Variants in PARD3B observed in about 807,000 individuals in gnomAD.
PARD3B encodes partitioning defective 3 homolog B.
PARD3B carries 103 observed loss-of-function variants against 130.2 expected under a neutral mutation model. That is an observed-to-expected ratio of 0.79 (90% CI 0.67 to 0.93). The LOEUF (loss-of-function observed/expected upper bound fraction) is 0.93. Ranked by LOEUF, PARD3B falls within the 40% of genes least tolerant of loss-of-function variation. PARD3B has a pLI of 0.00. For missense variants in PARD3B, 1,609 were observed against 1,499.2 expected (o/e 1.07, Z -1.21); for synonymous variants, 583 against 553.2 (o/e 1.05, Z -0.76).
intron 4 of PARD3B, among the ~76,000 whole-genome samples, chr2:205,102,523 A>G (rs1355091169): frequency 1.3e-5 from 2 of 152,128 alleles, no homozygotes; most frequent in Non-Finnish European, 2.9e-5. Context: ...AGAGCTTTCA[A>G]AAACAATCGT....
In PARD3B at chr2:205,614,417, G is replaced by A. The variant is rs148806917; in HGVS notation, c.3261-1039G>A. Among the ~76,000 whole-genome samples, 275 of 152,174 alleles carry A rather than the reference G, an allele frequency of 1.8e-3. 3 individuals carry two copies. Among genetic ancestry groups the A allele is most frequent in the African/African-American group, 6.0e-3 (250 of 41,516 alleles). On this transcript the variant is annotated intron_variant, in intron 22 of 22. Transcript: ENST00000406610. ...TGATTACTTTATATCAAAGCTTTAG[G>A]TGTGGGCTGGGTGCAGTGGCTCACG...
At position 204,550,412 on chromosome 2, in the gene PARD3B, CTGTGTGTG is replaced by C. The variant is rs3051346; in HGVS notation, c.120+4323_120+4330del. Among the ~76,000 whole-genome samples the C allele has an allele frequency of 7.6e-3, 1,102 of 144,386 alleles. 6 individuals are homozygous for C. The highest frequency in any genetic ancestry group is 0.026 in the African/African-American group (1,039 of 39,372). 94.7% of individuals were successfully genotyped at this position (144,386 alleles called of 152,430 possible). A position where few individuals can be genotyped will look rare whatever the true frequency, so the allele number is the denominator to read the frequency against. On this transcript the variant is annotated intron_variant, in intron 1 of 22. Transcript: ENST00000406610. ...GGAATGCATGGATGCGGAGGGCTGACTGTGTGTGTGTGTGTGTGTGTGTGTGTGTGTGT... is the reference window on the plus strand; with the variant it reads ...GGAATGCATGGATGCGGAGGGCTGACTGTGTGTGTGTGTGTGTGTGTGTGT...
intron 19 of PARD3B, among the ~76,000 whole-genome samples, chr2:205,423,647 G>A (rs1347012017): frequency 1.3e-5 from 2 of 152,002 alleles, no homozygotes; most frequent in African/African-American, 4.8e-5. Context: ...TTCACAATAG[G>A]GTTCACGACA....
intron 2 of PARD3B, among the ~76,000 whole-genome samples, chr2:204,883,440 T>TGTATA (rs2046141033): frequency 9.8e-6 from 1 of 102,318 alleles, no homozygotes; most frequent in Non-Finnish European, 1.8e-5. Context: ...ATAAAATATA[T>TGTATA]ATATATATAT....
chr2:205,158,879 C>A lies in PARD3B; in HGVS notation c.1592C>A (p.Ser531Tyr). The change falls in exon 11 of 23, where the codon TCC becomes TAC. Residue 531 changes from serine to tyrosine, a missense_variant. Ser to Tyr is a moderately radical substitution (Grantham distance 144, BLOSUM62 -2). Transcript: ENST00000406610. This position sits in a 1 kb window ranked among gnomAD's most constrained non-coding sequence, Gnocchi z 5.4. ...ACAGACTTGGGGATTTTTATCAAAT[C>A]CATCATTCATGGAGGCGCTGCTTTT... ...TGTDLGIFIK[S>Y]IIHGGAAFKD... The A allele has an allele frequency of 1.9e-6, 3 of 1,613,934 alleles. No individual in the cohort carries two copies. The highest frequency in any genetic ancestry group is 2.5e-6 in the Non-Finnish European group (3 of 1,179,988).
chr2:205,033,821 T>C lies in PARD3B; in HGVS notation c.395-13760T>C, dbSNP rs373469232. 5.3e-5 allele frequency among the ~76,000 whole-genome samples: 8 copies of C among 152,294 alleles called. No individual in the cohort carries two copies. In the South Asian group the frequency reaches 1.4e-3, roughly 28 times the overall value. On this transcript the variant is annotated intron_variant, in intron 3 of 22. Transcript: ENST00000406610. Reference sequence around the variant, plus strand: ...CTCATAAATATCTAGGATCTAAGACTGTAAAGTATCACAAACTGAAAGATC... The same window carrying C: ...CTCATAAATATCTAGGATCTAAGACCGTAAAGTATCACAAACTGAAAGATC...
intron 15 of PARD3B, among the ~76,000 whole-genome samples, chr2:205,206,293 G>A (rs868349288): frequency 2.7e-5 from 4 of 146,210 alleles, no homozygotes; most frequent in African/African-American, 1.0e-4. Context: ...GTATACATGT[G>A]CCCTGCTGGT....
chr2:205,493,691 G>C (rs2049809850), intron 20 of PARD3B, among the ~76,000 whole-genome samples: 2 of 151,652 alleles, frequency 1.3e-5, no homozygotes, highest in African/African-American at 2.4e-5. Flanking sequence ...TAAAGTTACA[G>C]GCTATAAAAG....
rs545219965 is a variant in PARD3B, at chr2:205,122,131, G to A, written c.1165+182G>A. On this transcript the variant is annotated intron_variant, in intron 8 of 22. Transcript: ENST00000406610. The surrounding 1 kb of genome is among the most constrained non-coding windows in gnomAD (Gnocchi z 4.3). ...ATTGTACTTTTTTATTCTTTTCTTC[G>A]GAGTGTATAGATTATTTTAAACAAG... is the stretch of plus-strand genomic sequence containing the variant. Among the ~76,000 whole-genome samples the A allele has an allele frequency of 1.8e-4, 27 of 151,784 alleles. No individual in the cohort carries two copies. The highest frequency in any genetic ancestry group is 9.9e-4 in the Admixed American group (15 of 15,226).
intron 2 of PARD3B, among the ~76,000 whole-genome samples, chr2:204,788,314 A>G (rs1228821699): frequency 6.6e-6 from 1 of 152,160 alleles, no homozygotes; most frequent in East Asian, 1.9e-4. Context: ...TTCTTCCTCA[A>G]CAGCCCTACA....
chr2:205,020,798 T>C (rs1696536299), intron 3 of PARD3B, among the ~76,000 whole-genome samples: 1 of 152,132 alleles, frequency 6.6e-6, no homozygotes, highest in Non-Finnish European at 1.5e-5. Context: ...AAGGCTAGCC[T>C]TTTGGACCAC....
chr2:205,275,714 G>A (rs1451421177), intron 16 of PARD3B, among the ~76,000 whole-genome samples: 1 of 151,714 alleles, frequency 6.6e-6, no homozygotes, highest in East Asian at 1.9e-4. Flanking sequence ...GCAGGCACCT[G>A]TAATCCCAGC....
intron 2 of PARD3B, among the ~76,000 whole-genome samples, chr2:204,802,757 C>T (rs546380732): frequency 9.2e-5 from 14 of 152,064 alleles, no homozygotes; most frequent in East Asian, 5.8e-4. Context: ...AACCAAACAC[C>T]GCATATTCTC....
intron 1 of PARD3B, among the ~76,000 whole-genome samples, chr2:204,574,639 C>T (rs2032164049): frequency 6.6e-6 from 1 of 152,232 alleles, no homozygotes; most frequent in Non-Finnish European, 1.5e-5. Flanking sequence ...CTTACAGTCA[C>T]TGTGCTTCTG....
intron 10 of PARD3B, among the ~76,000 whole-genome samples, chr2:205,148,555 G>T (rs374992422): frequency 6.6e-6 from 1 of 152,038 alleles, no homozygotes; most frequent in East Asian, 1.9e-4. Flanking sequence ...TGTCTTGCAG[G>T]TGTCTTATCC....
chr2:205,449,166 CA>C (rs757916003), intron 20 of PARD3B, among the ~76,000 whole-genome samples: 518 of 50,222 alleles, frequency 0.01, 8 homozygotes, highest in East Asian at 0.083. Flanking sequence ...AACTCCATCT[CA>C]AAAAAAAAAA....
At chr2:204,856,603 A>G (rs1233284825) in intron 2 of PARD3B, among the ~76,000 whole-genome samples, 1 of 152,124 alleles carries the variant, frequency 6.6e-6, no homozygotes, top group Non-Finnish European at 1.5e-5. Flanking sequence ...AATGCTATCC[A>G]ATAAATCATT....
At chr2:205,415,772 T>C (rs1198740822) in intron 19 of PARD3B, among the ~76,000 whole-genome samples, 1 of 152,150 alleles carries the variant, frequency 6.6e-6, no homozygotes, top group East Asian at 1.9e-4. Context: ...ATATGATGTG[T>C]GAACCAACAT....
intron 20 of PARD3B, among the ~76,000 whole-genome samples, chr2:205,454,260 A>T (rs2106204974): frequency 6.6e-6 from 1 of 152,292 alleles, no homozygotes; most frequent in South Asian, 2.1e-4. Context: ...CTAAGGACAG[A>T]TTCCAAAGTG....
Sources: allele counts gnomAD v4.1 joint callset (sites outside exome capture counted in the v4.1 genomes callset), GRCh38; gene constraint gnomAD v4.1.1; non-coding constraint Gnocchi (gnomAD v3.1); transcripts MANE v1.5; gene names NCBI Gene and HGNC (gene_info 2026-07-23, HGNC 2026-07-21).